The following SLC2A2 variants were observed in gnomAD, a reference collection of about 807,000 sequenced individuals.
The protein encoded by SLC2A2 is solute carrier family 2, facilitated glucose transporter member 2.
Under a neutral mutation model 54.5 loss-of-function variants are expected in SLC2A2, and 36 were observed. The observed-to-expected ratio is 0.66, with a 90% CI of 0.51 to 0.87. The LOEUF (loss-of-function observed/expected upper bound fraction) is 0.87. Ranked by LOEUF, SLC2A2 falls within the 40% of genes least tolerant of loss-of-function variation. The probability of loss-of-function intolerance (pLI) is 0.00; values close to 1 mark genes in which losing one functional copy is unlikely to be tolerated. For missense variants in SLC2A2, 543 were observed against 624.3 expected, an observed-to-expected ratio of 0.87 and a Z score of 1.39; for synonymous variants, 223 against 219.1, an observed-to-expected ratio of 1.02 and a Z score of -0.16.
At chr3:171,024,102 C>T (rs755217817) in intron 1 of SLC2A2, among the ~76,000 whole-genome samples, 8 of 152,126 alleles carry the variant, frequency 5.3e-5, no homozygotes, top group South Asian at 2.1e-4. Context: ...AGGCTCCTAA[C>T]GTCACTGAGC....
At chr3:171,011,725 G>T (rs1715890784) in intron 3 of SLC2A2, among the ~76,000 whole-genome samples, 1 of 151,828 alleles carries the variant, frequency 6.6e-6, no homozygotes, top group South Asian at 2.1e-4. Flanking sequence ...TTAGACTATT[G>T]TGAAATGCTT....
chr3:171,004,651 T>C (rs1715504220), intron 7 of SLC2A2, among the ~76,000 whole-genome samples: 1 of 151,852 alleles, frequency 6.6e-6, no homozygotes, highest in Admixed American at 6.6e-5. Flanking sequence ...TAGTAGTCAA[T>C]TGTCAGTAGA....
intron 2 of SLC2A2, among the ~76,000 whole-genome samples, chr3:171,018,017 A>G (rs560248779): frequency 1.3e-5 from 2 of 152,264 alleles, no homozygotes; most frequent in African/African-American, 4.8e-5. Flanking sequence ...CTTTTAGTTT[A>G]GGGCTTCTTA....
intron 1 of SLC2A2, among the ~76,000 whole-genome samples, chr3:171,026,024 A>G (rs572004289): frequency 6.5e-4 from 99 of 152,162 alleles, no homozygotes; most frequent in Non-Finnish European, 1.3e-3. Context: ...TAAGCTGTAG[A>G]TATTTGTGTC....
At chr3:171,010,128 G>A in intron 3 of SLC2A2, 46 bp from the exon 4 acceptor site, 1 of 1,593,382 alleles carries the variant, frequency 6.3e-7, no homozygotes, top group Non-Finnish European at 8.6e-7. Context: ...ATCAAAACTT[G>A]CTAAAATTAT....
At chr3:171,021,371 C>T (rs894026274) in intron 1 of SLC2A2, among the ~76,000 whole-genome samples, 2 of 152,238 alleles carry the variant, frequency 1.3e-5, no homozygotes, top group African/African-American at 4.8e-5. Context: ...CCTAATACTA[C>T]TTATGCTTAC....
chr3:171,019,057 A>G (rs1452178792), intron 1 of SLC2A2, among the ~76,000 whole-genome samples: 3 of 137,850 alleles, frequency 2.2e-5, no homozygotes, highest in South Asian at 4.7e-4. Context: ...ATTTGTTGAT[A>G]TGTGTGTGTG....
intron 7 of SLC2A2, 138 bp downstream of exon 7, chr3:171,005,147 C>T (rs955069114): frequency 1.5e-4 from 112 of 748,816 alleles, no homozygotes; most frequent in Admixed American, 5.5e-4. Context: ...TTAATGCTTA[C>T]TCAATGTACG....
At chr3:171,019,681 T>C (rs1435154771) in intron 1 of SLC2A2, among the ~76,000 whole-genome samples, 1 of 152,196 alleles carries the variant, frequency 6.6e-6, no homozygotes, top group Non-Finnish European at 1.5e-5. Context: ...CAGATACATG[T>C]AATATGCTAT....
intron 1 of SLC2A2, among the ~76,000 whole-genome samples, 160 bp downstream of exon 1, chr3:171,026,496 A>G (rs1716708322): frequency 6.6e-6 from 1 of 151,528 alleles, no homozygotes; most frequent in South Asian, 2.1e-4. Context: ...AACCCCAATT[A>G]CTGAATAAGA....
intron 2 of SLC2A2, among the ~76,000 whole-genome samples, chr3:171,016,479 A>C (rs946044005): frequency 6.6e-6 from 1 of 152,204 alleles, no homozygotes; most frequent in East Asian, 1.9e-4. Context: ...AATAATATGC[A>C]TAGAAAAAAA....
intron 6 of SLC2A2, 130 bp downstream of exon 6, chr3:171,005,813 C>T (rs761050627): frequency 2.2e-6 from 2 of 890,890 alleles, no homozygotes; most frequent in South Asian, 2.9e-5. Context: ...ATGACATGCA[C>T]CAGTCATATA....
intron 6 of SLC2A2, 72 bp from the exon 7 acceptor site, chr3:171,005,544 AAG>A (rs1715556088): frequency 8.0e-7 from 1 of 1,254,630 alleles, no homozygotes; most frequent in Non-Finnish European, 1.1e-6. Flanking sequence ...ATGTTAATGA[AAG>A]AGCTACATTT....
rs764799427 is a variant in SLC2A2, at chr3:171,006,071, T to A, written c.647A>T (p.Asp216Val). The A allele has an allele frequency of 6.2e-7, 1 of 1,612,552 alleles. No individual in the cohort carries two copies. Among genetic ancestry groups the A allele is most frequent in the African/African-American group, 1.3e-5 (1 of 74,920 alleles). Residue 216 changes from aspartate (D) to valine (V), a missense_variant, in exon 6 of 11, where the codon GAT becomes GTT. By Grantham distance (152) the Asp-to-Val change is radical. Transcript: ENST00000314251. ...CAGGCCAAGCAGGATGTGCCACAGA[T>A]CATAATTGCCCAAGATAAATTCAAG... ...IGLEFILGNYDLWHILLGLSG... is the reference protein window; with the variant it reads ...IGLEFILGNYVLWHILLGLSG...
intron 6 of SLC2A2, among the ~76,000 whole-genome samples, chr3:171,005,705 C>T (rs1474289619): frequency 1.3e-5 from 2 of 151,910 alleles, no homozygotes; most frequent in African/African-American, 4.8e-5. Flanking sequence ...ATATTAGAAG[C>T]ATAATGCTGG....
chr3:171,021,008 T>C (rs1294198837), intron 1 of SLC2A2, among the ~76,000 whole-genome samples: 1 of 151,908 alleles, frequency 6.6e-6, no homozygotes, highest in East Asian at 1.9e-4. Context: ...ACGTGAATTA[T>C]ATATATTATA....
intron 4 of SLC2A2, among the ~76,000 whole-genome samples, chr3:171,007,942 G>A (rs377255520): frequency 4.6e-5 from 7 of 152,018 alleles, no homozygotes; most frequent in African/African-American, 1.2e-4. Context: ...GTACTTAAAC[G>A]AATACAAAAC....
intron 4 of SLC2A2, among the ~76,000 whole-genome samples, chr3:171,008,372 A>C (rs1715712356): frequency 6.6e-6 from 1 of 152,094 alleles, no homozygotes; most frequent in Non-Finnish European, 1.5e-5. Context: ...ATTTGGCTCA[A>C]TTCTAAGTTG....
Position 171,010,009 on chromosome 3 carries a change from G to A in SLC2A2, c.445C>T (p.Pro149Ser). ...CCAGCAATTATAAGTATATGAGATG[G>A]TCCCAATTTTGAAAACCCCATCAAG... ...ALLMGFSKLG[P>S]SHILIIAGRS... Residue 149 changes from proline (P) to serine (S), a missense_variant, in exon 4 of 11, where the codon CCA (proline) becomes TCA (serine). By Grantham distance (74) the Pro-to-Ser change is moderately conservative. This residue lies in a region of SLC2A2 where 318 missense variants were observed against 343.8 expected (regional missense o/e 0.93). Coordinates refer to ENST00000314251, the MANE Select transcript of SLC2A2 (RefSeq NM_000340.2). 1.2e-6 allele frequency: 2 copies of A among 1,611,672 alleles called. No individual in the cohort carries two copies. Among genetic ancestry groups the A allele is most frequent in the South Asian group, 2.2e-5 (2 of 91,024 alleles).
Sources: allele counts gnomAD v4.1 joint callset (sites outside exome capture counted in the v4.1 genomes callset), GRCh38; gene constraint gnomAD v4.1.1; regional missense constraint gnomAD v4.1.1; transcripts MANE v1.5; gene names NCBI Gene and HGNC (gene_info 2026-07-23, HGNC 2026-07-21).